LBP: variants seen among roughly 807,000 people sequenced by gnomAD.
LBP encodes lipopolysaccharide-binding protein.
A neutral mutation model predicts 56.6 loss-of-function variants in LBP; 53 were observed. The observed-to-expected ratio is 0.94, with a 90% CI of 0.75 to 1.18. The LOEUF (loss-of-function observed/expected upper bound fraction) is 1.18. Among genes scored for constraint, LBP ranks in the 50% most tolerant of loss-of-function variants. The probability of loss-of-function intolerance (pLI) is 0.00; values close to 1 mark genes in which losing one functional copy is unlikely to be tolerated. For missense variants in LBP, 601 were observed against 598.3 expected (o/e 1.00, Z -0.05); for synonymous variants, 227 against 247.5 (o/e 0.92, Z 0.78).
At chr20:38,360,565 C>T (rs2076856218) in intron 5 of LBP, 139 bp from the exon 6 acceptor site, 4 of 630,554 alleles carry the variant, frequency 6.3e-6, no homozygotes, top group South Asian at 2.1e-5. Flanking sequence ...TGGTACCTGG[C>T]TCATGACAAG....
At chr20:38,375,606 G>A (rs891424594) in intron 14 of LBP, among the ~76,000 whole-genome samples, 1 of 152,056 alleles carries the variant, frequency 6.6e-6, no homozygotes, top group Non-Finnish European at 1.5e-5. Context: ...TTAACTTAAG[G>A]TTCTTTTTAA....
chr20:38,353,586 T>C (rs2076828266), intron 3 of LBP, among the ~76,000 whole-genome samples: 2 of 143,104 alleles, frequency 1.4e-5, no homozygotes, highest in Admixed American at 1.5e-4. Context: ...GATAAAGGCT[T>C]AGAAGTTAAA....
At chr20:38,360,832 A>C in intron 6 of LBP, 65 bp downstream of exon 6, 2 of 1,218,892 alleles carry the variant, frequency 1.6e-6, no homozygotes, top group Non-Finnish European at 2.3e-6. Flanking sequence ...GCATATATAT[A>C]TCTTATAAAA....
At chr20:38,369,981 A>G (rs1478939557) in intron 10 of LBP, among the ~76,000 whole-genome samples, 2 of 152,182 alleles carry the variant, frequency 1.3e-5, no homozygotes, top group African/African-American at 4.8e-5. Context: ...CAACAAGTCA[A>G]ATCTCTACCA....
At chr20:38,360,651 G>A (rs1568830982) in intron 5 of LBP, 53 bp from the exon 6 acceptor site, 8 of 1,279,116 alleles carry the variant, frequency 6.3e-6, no homozygotes, top group South Asian at 1.2e-5. Flanking sequence ...TCAGCACGGG[G>A]CCAGACCAGA....
At chr20:38,349,498 G>A (rs1600721442) in intron 1 of LBP, 50 bp from the exon 2 acceptor site, 1 of 1,398,728 alleles carries the variant, frequency 7.1e-7, no homozygotes, top group South Asian at 1.2e-5. Flanking sequence ...TTTAGAGCAG[G>A]GGAGGAGGCA....
At position 38,349,626 on chromosome 20, in the gene LBP, TC is replaced by T. The variant is rs1188700906; in HGVS notation, c.208del (p.His70ThrfsTer12). 6.2e-7 allele frequency: 1 copy of T among 1,610,680 alleles called. No individual in the cohort carries two copies. The highest frequency in any genetic ancestry group is 8.5e-7 in the Non-Finnish European group (1 of 1,178,762). ...CCTGACTTCACCGGGGACTTGAGGATCCCCCACGTCGGCCGTGGGCGCTATG... is the reference window on the plus strand; with the variant it reads ...CCTGACTTCACCGGGGACTTGAGGATCCCCACGTCGGCCGTGGGCGCTATG... ...TLPDFTGDLR[I>X]PHVGRGRYEF... On this transcript the variant is annotated frameshift_variant, in exon 2 of 15. Coordinates refer to ENST00000217407, the MANE Select transcript of LBP (RefSeq NM_004139.5). LOFTEE classifies it high-confidence loss of function.
intron 6 of LBP, among the ~76,000 whole-genome samples, chr20:38,361,204 C>A (rs2076859038): frequency 6.6e-6 from 1 of 151,204 alleles, no homozygotes; most frequent in South Asian, 2.1e-4. Context: ...ATTAAAAGTT[C>A]ATTTTTCTCC....
At chr20:38,362,474 G>C (rs1040920274) in intron 6 of LBP, among the ~76,000 whole-genome samples, 4 of 150,312 alleles carry the variant, frequency 2.7e-5, no homozygotes, top group African/African-American at 7.3e-5. Flanking sequence ...TTAGCCAGGT[G>C]CCGTGGTGGA....
chr20:38,370,805 A>G lies in LBP; in HGVS notation c.1217A>G (p.Lys406Arg). ...SKITGFLKPG[K>R]VKVELKESKV... is the part of the protein sequence containing the mutation. ...ATCACTGGGTTCCTGAAGCCAGGAA[A>G]GTAAGTTGGCCTCCTACCTACATGG... is the stretch of plus-strand genomic sequence containing the variant. The change falls in exon 11 of 15, where the codon AAG becomes AGG. Residue 406 changes from lysine (K) to arginine (R), a missense_variant and splice_region_variant. Physicochemically the swap from Lys to Arg is conservative, Grantham distance 26. Transcript: ENST00000217407. 1 of 1,613,802 alleles carries G rather than the reference A, an allele frequency of 6.2e-7. No individual in the cohort carries two copies. Among genetic ancestry groups the G allele is most frequent in the Non-Finnish European group, 8.5e-7 (1 of 1,179,750 alleles).
Position 38,373,124 on chromosome 20 carries a change from C to G in LBP, c.1313C>G (p.Pro438Arg). The change falls in exon 13 of 15, where the codon CCC (proline) becomes CGC (arginine). Residue 438 changes from proline (P) to arginine (R), a missense_variant. Physicochemically the swap from Pro to Arg is moderately radical, Grantham distance 103 (BLOSUM62 -2). Transcript: ENST00000217407. ...TATTACATCCTTAACACCTTCTACC[C>G]CAAGTTCAATGGTAAGAATCACTGT... Reference protein sequence around the residue: ...LNYYILNTFYPKFNDKLAEGF... With the variant: ...LNYYILNTFYRKFNDKLAEGF... The G allele has an allele frequency of 6.2e-7, 1 of 1,613,398 alleles. No homozygotes were observed. The highest frequency in any genetic ancestry group is 8.5e-7 in the Non-Finnish European group (1 of 1,179,338).
intron 3 of LBP, 30 bp downstream of exon 3, chr20:38,350,969 G>T: frequency 6.2e-7 from 1 of 1,608,140 alleles, no homozygotes; most frequent in Non-Finnish European, 8.5e-7. Context: ...AGGCCCTGGA[G>T]CTCTTGGCCT....
intron 3 of LBP, among the ~76,000 whole-genome samples, chr20:38,351,825 A>G (rs2076821544): frequency 6.6e-6 from 1 of 152,206 alleles, no homozygotes; most frequent in African/African-American, 2.4e-5. Flanking sequence ...GTTCAAGACC[A>G]GCCTGGCCAA....
chr20:38,350,897 C>G lies in LBP; in HGVS notation c.326C>G (p.Ser109Cys). 1.2e-6 allele frequency: 2 copies of G among 1,614,080 alleles called. No individual in the cohort carries two copies. Among genetic ancestry groups the G allele is most frequent in the Non-Finnish European group, 1.7e-6 (2 of 1,179,966 alleles). ...CTGAGTCTCAGCATCTCCGACTCCT[C>G]CATCCGGGTCCAGGGCAGGTGGAAG... ...QGLSLSISDS[S>C]IRVQGRWKVR... Residue 109 changes from serine to cysteine, a missense_variant, in exon 3 of 15, where the codon TCC becomes TGC. Ser to Cys is a moderately radical substitution (Grantham distance 112, BLOSUM62 -1). Coordinates refer to ENST00000217407, the MANE Select transcript of LBP (RefSeq NM_004139.5).
At chr20:38,354,575 C>A in intron 4 of LBP, 136 bp downstream of exon 4, 2 of 702,398 alleles carry the variant, frequency 2.8e-6, no homozygotes, top group Non-Finnish European at 4.5e-6. Flanking sequence ...CTCTGGGGAA[C>A]CCTGTTGAGA....
At chr20:38,374,462 TG>T (rs1037433952) in intron 14 of LBP, among the ~76,000 whole-genome samples, 2 of 151,802 alleles carry the variant, frequency 1.3e-5, no homozygotes, top group African/African-American at 2.4e-5. Context: ...CTGGACATGG[TG>T]GCAGGTGCCT....
chr20:38,364,340 TTAGGGAGTG>T (rs1235684845), intron 7 of LBP, among the ~76,000 whole-genome samples: 1 of 152,168 alleles, frequency 6.6e-6, no homozygotes, highest in Non-Finnish European at 1.5e-5. Context: ...AGAGCGGGTC[TTAGGGAGTG>T]TAGATGGGCC....
chr20:38,373,089 G>T lies in LBP; in HGVS notation c.1278G>T (p.Ala426=), dbSNP rs763218293. The T allele has an allele frequency of 4.3e-6, 7 of 1,613,754 alleles. No homozygotes were observed. The highest frequency in any genetic ancestry group is 5.9e-6 in the Non-Finnish European group (7 of 1,179,772). Residue 426 remains alanine, a synonymous_variant, in exon 13 of 15, where the codon GCG becomes GCT. Transcript: ENST00000217407. ...VGLFNAELLE[A]LLNYYILNTF... ...TCTTCCAGGCAGAGCTGTTGGAAGC[G>T]CTCCTCAACTATTACATCCTTAACA...
At chr20:38,362,016 G>A (rs1321701238) in intron 6 of LBP, among the ~76,000 whole-genome samples, 1 of 151,084 alleles carries the variant, frequency 6.6e-6, no homozygotes, top group Non-Finnish European at 1.5e-5. Flanking sequence ...TGAGGTCAGG[G>A]CTGGGCGCGG....
Sources: gnomAD v4.1 joint callset for allele counts (sites outside exome capture counted in the v4.1 genomes callset) on GRCh38, gnomAD v4.1.1 for gene constraint, MANE v1.5 for transcripts, NCBI Gene and HGNC (gene_info 2026-07-23, HGNC 2026-07-21) for gene names.